Variants in CACNA1D observed in about 807,000 individuals in gnomAD.
CACNA1D encodes the protein voltage-dependent L-type calcium channel subunit alpha-1D.
In CACNA1D, 55 loss-of-function variants were observed where a neutral mutation model predicts 257.1. The ratio of observed to expected loss-of-function variants is 0.21; its 90% CI spans 0.17 to 0.27. The LOEUF (loss-of-function observed/expected upper bound fraction) is 0.27, where lower values mean the gene tolerates loss of function less well. Among genes scored for constraint, CACNA1D ranks in the 10% least tolerant of loss-of-function variants. The pLI is 1.00. For missense variants in CACNA1D, 1,876 were observed against 2,784.0 expected, an observed-to-expected ratio of 0.67 and a Z score of 7.34; for synonymous variants, 980 against 1,014.9, an observed-to-expected ratio of 0.97 and a Z score of 0.65.
chr3:53,662,329 A>G (rs528365862), intron 5 of CACNA1D, among the ~76,000 whole-genome samples: 1 of 152,198 alleles, frequency 6.6e-6, no homozygotes, highest in Admixed American at 6.5e-5. Context: ...GGAACCGAGA[A>G]CCCACCCTGG....
chr3:53,604,113 C>A (rs2093478518), intron 3 of CACNA1D, among the ~76,000 whole-genome samples: 1 of 152,200 alleles, frequency 6.6e-6, no homozygotes, highest in Non-Finnish European at 1.5e-5. Context: ...GAGAGTATGG[C>A]TCTATTTCTT....
chr3:53,680,413 G>A (rs2094418968), intron 8 of CACNA1D, among the ~76,000 whole-genome samples: 1 of 151,936 alleles, frequency 6.6e-6, no homozygotes, highest in African/African-American at 2.4e-5. Flanking sequence ...GGCCACATGT[G>A]CCCTCCTGGA....
intron 39 of CACNA1D, chr3:53,785,675 G>C (rs1039430489): frequency 2.0e-5 from 3 of 152,270 alleles, no homozygotes; most frequent in Non-Finnish European, 2.9e-5. Context: ...AAGACAGCCT[G>C]AGCCAGGTGG....
chr3:53,802,164 C>T lies in CACNA1D; in HGVS notation c.5426C>T (p.Thr1809Ile), dbSNP rs756794329. The part of the protein sequence containing the change: ...SSVKRTRYYE[T>I]YIRSDSGDEQ... ...CTGGATAGAACCCGCTATTATGAAACTTACATTAGGTATGTGCTCATTACC... is the reference window on the plus strand; with the variant it reads ...CTGGATAGAACCCGCTATTATGAAATTTACATTAGGTATGTGCTCATTACC... The change falls in exon 43 of 48, where the codon ACT becomes ATT. Residue 1809 changes from threonine (T) to isoleucine (I), a missense_variant. This residue lies in a region of CACNA1D where 491 missense variants were observed against 554.3 expected (regional missense o/e 0.89). Transcript: ENST00000350061. 3 of 1,607,842 alleles carry T rather than the reference C, an allele frequency of 1.9e-6. No individual in the cohort carries two copies. The highest frequency in any genetic ancestry group is 2.2e-5 in the South Asian group (2 of 90,954).
At chr3:53,754,144 G>A (rs1323688368) in intron 29 of CACNA1D, among the ~76,000 whole-genome samples, 1 of 152,190 alleles carries the variant, frequency 6.6e-6, no homozygotes, top group Non-Finnish European at 1.5e-5. Context: ...CCCTTTAAGG[G>A]AAGTGCTGAT....
chr3:53,573,948 A>G (rs1443083567), intron 3 of CACNA1D, among the ~76,000 whole-genome samples: 1 of 152,206 alleles, frequency 6.6e-6, no homozygotes, highest in Non-Finnish European at 1.5e-5. Context: ...TTCTGAAATG[A>G]AGGAGTCGAG....
At chr3:53,739,675 A>T (rs946510483) in intron 20 of CACNA1D, among the ~76,000 whole-genome samples, 11 of 152,198 alleles carry the variant, frequency 7.2e-5, no homozygotes, top group African/African-American at 2.4e-4. Flanking sequence ...AACGGGCAGG[A>T]GTGCTGGAGA....
In CACNA1D at chr3:53,753,687, G is replaced by A. The variant is rs774050196; in HGVS notation, c.3786+5G>A. On this transcript the variant is annotated splice_donor_5th_base_variant and intron_variant, in intron 29 of 47. Coordinates refer to ENST00000350061, the MANE Select transcript of CACNA1D (RefSeq NM_001128840.3). ...GTCATCGCATTTAAGCCTAAGGTGA[G>A]TTGCAGAACCCACTTTTCAAAGGTT... The A allele has an allele frequency of 9.0e-6, 14 of 1,558,490 alleles. No individual in the cohort carries two copies. The highest frequency in any genetic ancestry group is 1.4e-5 in the African/African-American group (1 of 73,932).
At chr3:53,628,351 T>G (rs1036983994) in intron 3 of CACNA1D, among the ~76,000 whole-genome samples, 1 of 152,242 alleles carries the variant, frequency 6.6e-6, no homozygotes, top group Non-Finnish European at 1.5e-5. Context: ...GCTCCCCATC[T>G]TCCAAACCTT....
At chr3:53,582,337 A>G (rs2093146486) in intron 3 of CACNA1D, among the ~76,000 whole-genome samples, 1 of 152,070 alleles carries the variant, frequency 6.6e-6, no homozygotes, top group African/African-American at 2.4e-5. Flanking sequence ...GTCGAGAGAG[A>G]GAGGGGACAT....
chr3:53,709,100 C>A (rs2094722814), intron 9 of CACNA1D, among the ~76,000 whole-genome samples: 1 of 152,212 alleles, frequency 6.6e-6, no homozygotes, highest in Non-Finnish European at 1.5e-5. Flanking sequence ...TCTGTTTCTG[C>A]CCTCTGTTGT....
chr3:53,565,583 G>A (rs1165136476), intron 3 of CACNA1D, among the ~76,000 whole-genome samples: 2 of 152,164 alleles, frequency 1.3e-5, no homozygotes, highest in African/African-American at 4.8e-5. Flanking sequence ...TAGATTACTA[G>A]TGTCTTCTGT....
chr3:53,538,140 A>AGTTTTTTTTTT (rs2092170497), intron 3 of CACNA1D, among the ~76,000 whole-genome samples: 2 of 109,008 alleles, frequency 1.8e-5, no homozygotes, highest in African/African-American at 1.0e-4. Context: ...CAGTTTTTGA[A>AGTTTTTTTTTT]GTTTTTTTTT....
At chr3:53,685,967 G>T (rs113876113) in intron 8 of CACNA1D, among the ~76,000 whole-genome samples, 2 of 151,854 alleles carry the variant, frequency 1.3e-5, no homozygotes, top group Admixed American at 6.6e-5. Flanking sequence ...TTTAGAAAGC[G>T]TAATAAAAAT....
chr3:53,609,780 C>T (rs990864564), intron 3 of CACNA1D, among the ~76,000 whole-genome samples: 5 of 152,142 alleles, frequency 3.3e-5, no homozygotes, highest in East Asian at 1.9e-4. Flanking sequence ...TTGCGCTTGC[C>T]GTTGTTTTTT....
chr3:53,522,856 A>G (rs2091630876), intron 3 of CACNA1D, among the ~76,000 whole-genome samples: 1 of 152,206 alleles, frequency 6.6e-6, no homozygotes, highest in Non-Finnish European at 1.5e-5. Flanking sequence ...ATCAAACACT[A>G]GAGCTTATTT....
chr3:53,617,589 A>G (rs947985831), intron 3 of CACNA1D, among the ~76,000 whole-genome samples: 2 of 152,202 alleles, frequency 1.3e-5, no homozygotes, highest in African/African-American at 4.8e-5. Context: ...CATTGTAATT[A>G]TCACCATCCC....
At chr3:53,786,781 T>C (rs758154317) in intron 39 of CACNA1D, 41 bp from the exon 40 acceptor site, 2 of 1,347,478 alleles carry the variant, frequency 1.5e-6, no homozygotes, top group Non-Finnish European at 2.0e-6. Flanking sequence ...CTTGGTCTAA[T>C]GTGCTGATTC....
intron 3 of CACNA1D, among the ~76,000 whole-genome samples, chr3:53,592,773 A>G (rs2093322802): frequency 6.6e-6 from 1 of 151,624 alleles, no homozygotes; most frequent in South Asian, 2.1e-4. Context: ...GCACAACCTC[A>G]GCTCACTGCA....
Sources: allele counts gnomAD v4.1 joint callset (sites outside exome capture counted in the v4.1 genomes callset), GRCh38; gene constraint gnomAD v4.1.1; regional missense constraint gnomAD v4.1.1; transcripts MANE v1.5; gene names NCBI Gene and HGNC (gene_info 2026-07-23, HGNC 2026-07-21).